Variants in ZNF727 observed in about 807,000 individuals in gnomAD.
ZNF727 encodes zinc finger protein 727.
Under a neutral mutation model 11.5 loss-of-function variants are expected in ZNF727, and 11 were observed. That is an observed-to-expected ratio of 0.95 (90% confidence interval 0.60 to 1.58). The LOEUF is 1.58. Among genes scored for constraint, ZNF727 ranks in the 40% most tolerant of loss-of-function variants. ZNF727 has a pLI of 0.00. For synonymous variants in ZNF727, 171 were observed against 196.1 expected, an observed-to-expected ratio of 0.87 and a Z score of 1.07; for missense variants, 533 against 581.7, an observed-to-expected ratio of 0.92 and a Z score of 0.86.
rs1785732792 is a variant in ZNF727, at chr7:64,078,626, C to G, written c.*77C>G. 9 of 1,403,578 alleles carry G rather than the reference C, an allele frequency of 6.4e-6. No homozygotes were observed. The highest frequency in any genetic ancestry group is 7.9e-6 in the Non-Finnish European group (8 of 1,007,752). The allele number at this position is 1,403,578 out of a possible 1,614,324, so 86.9% of individuals were successfully genotyped here. A position where few individuals can be genotyped will look rare whatever the true frequency, so the allele number is the denominator to read the frequency against. On this transcript the variant is annotated 3_prime_UTR_variant, in exon 4 of 4. Transcript: ENST00000456806. ...CGTGGATCTTGGCCCTTAGTAAACA[C>G]AAGAGAATTCATACTGGAGAGAAAC...
At chr7:64,077,050 A>AT (rs1785677821) in intron 3 of ZNF727, among the ~76,000 whole-genome samples, 1 of 152,118 alleles carries the variant, frequency 6.6e-6, no homozygotes, top group Admixed American at 6.5e-5. Flanking sequence ...GGTTCTTGGC[A>AT]TTTTTCTCAC....
chr7:64,075,788 T>C (rs1785639201), intron 3 of ZNF727, among the ~76,000 whole-genome samples: 1 of 152,120 alleles, frequency 6.6e-6, no homozygotes, highest in Non-Finnish European at 1.5e-5. Flanking sequence ...TACTGTGCCG[T>C]CTACCTGAGT....
At chr7:64,075,215 A>G (rs1002302917) in intron 3 of ZNF727, among the ~76,000 whole-genome samples, 4 of 151,998 alleles carry the variant, frequency 2.6e-5, no homozygotes, top group Admixed American at 6.6e-5. Flanking sequence ...ATCATATTGT[A>G]CTGTATTTAT....
chr7:64,058,506 C>G (rs1217860024), intron 1 of ZNF727, among the ~76,000 whole-genome samples: 1 of 152,034 alleles, frequency 6.6e-6, no homozygotes, highest in Non-Finnish European at 1.5e-5. Context: ...GTCCCCAGAC[C>G]CTAAACCTGG....
rs537906891 is a variant in ZNF727 at position 64,079,495 on chromosome 7, C to G, written c.*946C>G. 6.6e-6 allele frequency among the ~76,000 whole-genome samples: 1 copy of G among 152,256 alleles called. No individual in the cohort carries two copies. The highest frequency in any genetic ancestry group is 2.1e-4 in the South Asian group (1 of 4,826). On this transcript the variant is annotated 3_prime_UTR_variant, in exon 4 of 4. Transcript: ENST00000456806. ...GATTTAAAGTCTGTTTTGTCAGAAA[C>G]TAGGATTGTAATCCTTGCTTTTTTA...
At position 64,078,029 on chromosome 7, in the gene ZNF727, T is replaced by A. The variant is rs1012043764; in HGVS notation, c.980T>A (p.Leu327His). ...CGKAFMWISA[L>H]SQHNRIHTGE... ...AAAGCTTTTATGTGGATCTCGGCCC[T>A]TAGTCAACATAACAGAATTCATACT... The change falls in exon 4 of 4, where the codon CTT becomes CAT. Residue 327 changes from leucine (L) to histidine (H), a missense_variant. Coordinates refer to ENST00000456806, the MANE Select transcript of ZNF727 (RefSeq NM_001159522.3). 3 of 1,608,226 alleles carry A rather than the reference T, an allele frequency of 1.9e-6. No homozygotes were observed. Among genetic ancestry groups the A allele is most frequent in the Non-Finnish European group, 2.5e-6 (3 of 1,177,246 alleles).
At position 64,084,048 on chromosome 7, in the gene ZNF727, G is replaced by A. The variant is rs1262515870; in HGVS notation, c.*5499G>A. Among the ~76,000 whole-genome samples, 1 of 152,124 alleles carries A rather than the reference G, an allele frequency of 6.6e-6. No homozygotes were observed. Among genetic ancestry groups the A allele is most frequent in the Non-Finnish European group, 1.5e-5 (1 of 68,030 alleles). On this transcript the variant is annotated 3_prime_UTR_variant, in exon 4 of 4. Coordinates refer to ENST00000456806, the MANE Select transcript of ZNF727 (RefSeq NM_001159522.3). ...GTCAATGGTTGCTGCACCAGAGTTA[G>A]GAGAAGTTCTTCCGTATCAGATGAA...
chr7:64,078,378 G>A lies in ZNF727; in HGVS notation c.1329G>A (p.Lys443=), dbSNP rs1309702003. 6.3e-7 allele frequency: 1 copy of A among 1,589,470 alleles called. No homozygotes were observed. The highest frequency in any genetic ancestry group is 8.6e-7 in the Non-Finnish European group (1 of 1,167,660). The stretch of plus-strand genomic sequence containing the variant: ...GGTTCCCAGACCTGACTAATCATAA[G>A]AGAATTCACACTGGAGAGAAGCCCT... ...FKWFPDLTNH[K]RIHTGEKPYK... is the part of the protein sequence containing the mutation. Residue 443 remains lysine, a synonymous_variant, in exon 4 of 4, where the codon AAG becomes AAA. Transcript: ENST00000456806.
rs910722374 is a variant in ZNF727 at position 64,079,121 on chromosome 7, A to G, written c.*572A>G. On this transcript the variant is annotated 3_prime_UTR_variant, in exon 4 of 4. Transcript: ENST00000456806. ...CTTTATGTGGCTCTCAGACTTTACTAATCATAAGAGAATTCACCCTGGTGA... is the reference window on the plus strand; with the variant it reads ...CTTTATGTGGCTCTCAGACTTTACTGATCATAAGAGAATTCACCCTGGTGA... Among the ~76,000 whole-genome samples the G allele has an allele frequency of 6.6e-6, 1 of 152,178 alleles. No individual in the cohort carries two copies. The highest frequency in any genetic ancestry group is 2.4e-5 in the African/African-American group (1 of 41,452).
At chr7:64,068,836 TG>T in intron 1 of ZNF727, 54 bp from the exon 2 acceptor site, 1 of 1,546,474 alleles carries the variant, frequency 6.5e-7, no homozygotes, top group Non-Finnish European at 8.8e-7. Flanking sequence ...TTTTACCTGA[TG>T]TCAAATCAAG....
At chr7:64,073,797 G>C (rs1327305815) in intron 3 of ZNF727, among the ~76,000 whole-genome samples, 1 of 152,100 alleles carries the variant, frequency 6.6e-6, no homozygotes, top group African/African-American at 2.4e-5. Context: ...TTTCTTTTCA[G>C]ATTCTATAAT....
chr7:64,054,773 A>C (rs543677846), intron 1 of ZNF727, among the ~76,000 whole-genome samples: 1 of 152,116 alleles, frequency 6.6e-6, no homozygotes, highest in African/African-American at 2.4e-5. Flanking sequence ...CTTAGTGTAC[A>C]TTTCCATTTT....
rs1339568337 is a variant in ZNF727, at chr7:64,083,585, C to T, written c.*5036C>T. On this transcript the variant is annotated 3_prime_UTR_variant, in exon 4 of 4. Coordinates refer to ENST00000456806, the MANE Select transcript of ZNF727 (RefSeq NM_001159522.3). ...GGCCTCAGTGGCTGCTCTGCTGAGA[C>T]TCCACATAGCTCTGTGTGTTAAATT... is the stretch of plus-strand genomic sequence containing the variant. Among the ~76,000 whole-genome samples the T allele has an allele frequency of 6.6e-6, 1 of 152,230 alleles. No individual in the cohort carries two copies. The highest frequency in any genetic ancestry group is 2.4e-5 in the African/African-American group (1 of 41,454).
intron 1 of ZNF727, among the ~76,000 whole-genome samples, chr7:64,056,739 CTT>C (rs1226009547): frequency 1.3e-5 from 2 of 152,166 alleles, no homozygotes; most frequent in Non-Finnish European, 2.9e-5. Flanking sequence ...TCTGTTTACT[CTT>C]TACAAAACTA....
chr7:64,055,952 T>C (rs949556811), intron 1 of ZNF727, among the ~76,000 whole-genome samples: 1 of 152,140 alleles, frequency 6.6e-6, no homozygotes, highest in African/African-American at 2.4e-5. Flanking sequence ...TTTCAAGAAA[T>C]GTCCACATTG....
At chr7:64,072,468 C>G (rs1386028175) in intron 3 of ZNF727, among the ~76,000 whole-genome samples, 1 of 152,116 alleles carries the variant, frequency 6.6e-6, no homozygotes, top group East Asian at 1.9e-4. Flanking sequence ...GAGTATGTGG[C>G]AGGATTTCCT....
chr7:64,075,150 A>G (rs1562797509), intron 3 of ZNF727, among the ~76,000 whole-genome samples: 4 of 152,126 alleles, frequency 2.6e-5, no homozygotes, highest in Admixed American at 6.6e-5. Context: ...AACTTTTCTC[A>G]GACTTTGTCT....
intron 1 of ZNF727, among the ~76,000 whole-genome samples, chr7:64,048,542 T>A (rs1477442356): frequency 6.6e-6 from 1 of 152,246 alleles, no homozygotes; most frequent in South Asian, 2.1e-4. Context: ...GGGCAACTCA[T>A]TATTTTTTAG....
intron 1 of ZNF727, 131 bp from the exon 2 acceptor site, chr7:64,068,760 T>C: frequency 9.1e-7 from 1 of 1,103,308 alleles, no homozygotes; most frequent in Non-Finnish European, 1.3e-6. Flanking sequence ...ATTTCTGTGC[T>C]AGAAAGTATC....
Sources: allele counts gnomAD v4.1 joint callset (sites outside exome capture counted in the v4.1 genomes callset), GRCh38; gene constraint gnomAD v4.1.1; transcripts MANE v1.5; gene names NCBI Gene and HGNC (gene_info 2026-07-23, HGNC 2026-07-21).